Variants in CCN6 observed in about 807,000 individuals in gnomAD.
CCN6 encodes the protein CCN family member 6.
In CCN6, 31 loss-of-function variants were observed where a neutral mutation model predicts 37.4. The ratio of observed to expected loss-of-function variants is 0.83; its 90% confidence interval spans 0.62 to 1.12. CCN6 has a LOEUF of 1.12. Ranked by LOEUF, CCN6 falls within the 50% of genes most tolerant of loss-of-function variation. The pLI is 0.00. For missense variants in CCN6, 369 were observed against 413.8 expected (o/e 0.89, Z 0.94); for synonymous variants, 137 against 142.1 (o/e 0.96, Z 0.26).
chr6:112,058,760 G>A (rs909202008), intron 1 of CCN6, among the ~76,000 whole-genome samples: 1 of 152,170 alleles, frequency 6.6e-6, no homozygotes. Flanking sequence ...TGCAAGACAC[G>A]AGGAGGGCCC....
At chr6:112,061,356 G>C (rs1251673221) in intron 2 of CCN6, 68 bp downstream of exon 2, 2 of 1,608,494 alleles carry the variant, frequency 1.2e-6, no homozygotes, top group African/African-American at 1.3e-5. Flanking sequence ...TCCTGCAATT[G>C]TTAGCTTGGA....
chr6:112,059,220 G>T (rs1421281255), intron 1 of CCN6, among the ~76,000 whole-genome samples: 3 of 152,152 alleles, frequency 2.0e-5, no homozygotes, highest in African/African-American at 7.2e-5. Flanking sequence ...GAGTCTCAGG[G>T]TCCTCATTTA....
At chr6:112,061,328 C>T (rs2114446356) in intron 2 of CCN6, 40 bp downstream of exon 2, 2 of 1,613,722 alleles carry the variant, frequency 1.2e-6, no homozygotes, top group Non-Finnish European at 1.7e-6. Context: ...AAGATTGAGT[C>T]TAGACAGAAT....
At chr6:112,057,413 G>T (rs781859470) in intron 1 of CCN6, among the ~76,000 whole-genome samples, 2 of 152,216 alleles carry the variant, frequency 1.3e-5, no homozygotes, top group South Asian at 2.1e-4. Flanking sequence ...TCAGGAACTC[G>T]TAGTGACGGT....
intron 4 of CCN6, among the ~76,000 whole-genome samples, chr6:112,068,678 A>G (rs1031227016): frequency 6.6e-6 from 1 of 152,074 alleles, no homozygotes; most frequent in Admixed American, 6.5e-5. Flanking sequence ...TATTATGAAC[A>G]TCAGAGTAGA....
intron 3 of CCN6, among the ~76,000 whole-genome samples, chr6:112,067,623 C>T (rs924007181): frequency 2.0e-5 from 3 of 152,048 alleles, no homozygotes; most frequent in South Asian, 4.1e-4. Flanking sequence ...TGAAATTATA[C>T]GCTTGCAATG....
chr6:112,065,612 A>ACACACACACACACGCGCG (rs71021869), intron 3 of CCN6, among the ~76,000 whole-genome samples: 1 of 133,332 alleles, frequency 7.5e-6, no homozygotes, highest in African/African-American at 2.9e-5. Flanking sequence ...ACACACACGC[A>ACACACACACACACGCGCG]CACACACACG....
At chr6:112,062,573 C>T (rs1165489002) in intron 2 of CCN6, among the ~76,000 whole-genome samples, 1 of 152,222 alleles carries the variant, frequency 6.6e-6, no homozygotes, top group East Asian at 1.9e-4. Flanking sequence ...CAGGGCATAG[C>T]CACGAGGATA....
intron 1 of CCN6, among the ~76,000 whole-genome samples, chr6:112,057,765 A>G (rs917027701): frequency 4.6e-5 from 7 of 152,228 alleles, no homozygotes; most frequent in African/African-American, 1.7e-4. Context: ...GACACAGTGT[A>G]GAATGAGGCA....
intron 4 of CCN6, 58 bp from the exon 5 acceptor site, chr6:112,069,281 T>C: frequency 1.3e-6 from 2 of 1,565,276 alleles, no homozygotes; most frequent in South Asian, 2.3e-5. Context: ...ATTCTACATG[T>C]TTTCAAAACT....
intron 2 of CCN6, among the ~76,000 whole-genome samples, chr6:112,061,657 A>G (rs782502500): frequency 5.3e-5 from 8 of 152,218 alleles, no homozygotes; most frequent in Non-Finnish European, 1.0e-4. Flanking sequence ...GTAACAAAAA[A>G]TGATCTGCTT....
At chr6:112,068,892 C>A (rs782751574) in intron 4 of CCN6, among the ~76,000 whole-genome samples, 2 of 152,004 alleles carry the variant, frequency 1.3e-5, no homozygotes, top group African/African-American at 4.8e-5. Context: ...AAATGCTACA[C>A]AATCCTTCTA....
chr6:112,065,051 G>A lies in CCN6; in HGVS notation c.589+54G>A, dbSNP rs1776639486. 3 of 1,611,296 alleles carry A rather than the reference G, an allele frequency of 1.9e-6. No individual in the cohort carries two copies. In the South Asian group the frequency reaches 3.3e-5, roughly 18 times the overall value. ...TATGACCTTGGTGGTATTCCTTCAT[G>A]TTCCTTTTACGTATCATAGGTACTC... is the stretch of plus-strand genomic sequence containing the variant. On this transcript the variant is annotated intron_variant, in intron 3 of 4. Coordinates refer to ENST00000368666, the MANE Select transcript of CCN6 (RefSeq NM_198239.2).
chr6:112,055,234 T>A lies in CCN6; in HGVS notation c.48+829T>A, dbSNP rs1313972453. Reference sequence around the variant, plus strand: ...ATACCATATAGAGAGAGATTTACGATTTCAAAAGAATCATGACAAGAATGT... The same window carrying A: ...ATACCATATAGAGAGAGATTTACGAATTCAAAAGAATCATGACAAGAATGT... On this transcript the variant is annotated intron_variant, in intron 1 of 4. Coordinates refer to ENST00000368666, the MANE Select transcript of CCN6 (RefSeq NM_198239.2). 3.3e-5 allele frequency among the ~76,000 whole-genome samples: 5 copies of A among 152,200 alleles called. No homozygotes were observed. In the East Asian group the frequency reaches 9.6e-4, roughly 29 times the overall value.
At chr6:112,054,470 A>C in intron 1 of CCN6, 65 bp downstream of exon 1, 2 of 1,452,870 alleles carry the variant, frequency 1.4e-6, no homozygotes, top group African/African-American at 1.4e-5. Context: ...CTTCAGGCCC[A>C]AAACTAAACA....
upstream of CCN6, chr6:112,054,042 C>T (rs753378676): frequency 4.1e-5 from 22 of 540,522 alleles, no homozygotes; most frequent in Non-Finnish European, 5.7e-5. Flanking sequence ...GTAACACAGT[C>T]ACTTAGAGAA....
upstream of CCN6, among the ~76,000 whole-genome samples, chr6:112,053,278 T>C (rs774277927): frequency 3.0e-4 from 43 of 142,658 alleles, no homozygotes; most frequent in Non-Finnish European, 5.4e-4. Context: ...AGTACAAACC[T>C]GTCAAAATTT....
chr6:112,066,683 C>T (rs1317474976), intron 3 of CCN6, among the ~76,000 whole-genome samples: 1 of 152,076 alleles, frequency 6.6e-6, no homozygotes, highest in African/African-American at 2.4e-5. Flanking sequence ...ACCATAATGA[C>T]AAAAACACAT....
rs1776627236 is a variant in CCN6 at position 112,064,756 on chromosome 6, C to A, written c.348C>A (p.Tyr116Ter). Residue 116 changes from tyrosine (Y) to a stop codon, truncating the protein, a stop_gained and splice_region_variant, in exon 3 of 5, where the codon TAC becomes TAA. Transcript: ENST00000368666. LOFTEE classifies it high-confidence loss of function. ...RPRYETGVCA[Y>*]LVAVGCEFNQ... Reference sequence around the variant, plus strand: ...AATTTTGCTCTTTTCTCTTTTCAGACCTTGTAGCTGTTGGGTGCGAGTTCA... The same window carrying A: ...AATTTTGCTCTTTTCTCTTTTCAGAACTTGTAGCTGTTGGGTGCGAGTTCA... 3.7e-6 allele frequency: 6 copies of A among 1,614,002 alleles called. No individual in the cohort carries two copies. Among genetic ancestry groups the A allele is most frequent in the Middle Eastern group, 1.7e-4 (1 of 6,056 alleles).
Sources: allele counts gnomAD v4.1 joint callset (sites outside exome capture counted in the v4.1 genomes callset), GRCh38; gene constraint gnomAD v4.1.1; transcripts MANE v1.5; gene names NCBI Gene and HGNC (gene_info 2026-07-23, HGNC 2026-07-21).